The following WDR64 variants were observed in gnomAD, a reference collection of about 807,000 sequenced individuals.
The protein encoded by WDR64 is WD repeat-containing protein 64.
Under a neutral mutation model 139.3 loss-of-function variants are expected in WDR64, and 112 were observed. The observed-to-expected ratio is 0.80, with a 90% CI of 0.69 to 0.94. The LOEUF is 0.94. WDR64 is among the 40% of genes least tolerant of loss of function. The pLI, the probability that WDR64 is intolerant of heterozygous loss-of-function variation, is 0.00. For missense variants in WDR64, 1,206 were observed against 1,293.1 expected (o/e 0.93, Z 1.03); for synonymous variants, 444 against 437.7 (o/e 1.01, Z -0.18).
chr1:241,796,409 G>C (rs761021480), intron 27 of WDR64, 39 bp downstream of exon 27: 30 of 1,330,082 alleles, frequency 2.3e-5, no homozygotes, highest in Non-Finnish European at 3.0e-5. Context: ...TCCAATTTCA[G>C]TGTATCCTAT....
At chr1:241,769,094 C>A (rs1231440691) in intron 16 of WDR64, among the ~76,000 whole-genome samples, 2 of 151,994 alleles carry the variant, frequency 1.3e-5, no homozygotes, top group African/African-American at 4.8e-5. Context: ...TAGTTGGCCC[C>A]CATCTCTAAA....
chr1:241,786,752 TGTTA>T (rs1429898215), intron 23 of WDR64, among the ~76,000 whole-genome samples: 1 of 152,166 alleles, frequency 6.6e-6, no homozygotes, highest in African/African-American at 2.4e-5. Context: ...ATGAATACAC[TGTTA>T]GTTAACAAGT....
At chr1:241,732,290 C>T (rs1669112168) in intron 10 of WDR64, among the ~76,000 whole-genome samples, 1 of 150,048 alleles carries the variant, frequency 6.7e-6, no homozygotes, top group African/African-American at 2.5e-5. Flanking sequence ...TCAAGTGTTT[C>T]TTACAATGCA....
rs76254601 is a variant in WDR64 at position 241,749,639 on chromosome 1, C to T, written c.1687C>T (p.Arg563Cys). 973 of 1,614,100 alleles carry T rather than the reference C, an allele frequency of 6.0e-4. 8 individuals are homozygous for T. In the African/African-American group the frequency reaches 0.011, roughly 18 times the overall value. The change falls in exon 14 of 28, where the codon CGC becomes TGC. Residue 563 changes from arginine (R) to cysteine (C), a missense_variant. Coordinates refer to ENST00000437684, the MANE Select transcript of WDR64 (RefSeq NM_001367482.1). ...GAAGGAGGACGAGCACTGCCTACGA[C>T]GCCTCATTTTCCTCAAAGCCCAAGA... ...DWKEDEHCLRRLIFLKAQEKH... is the reference protein window; with the variant it reads ...DWKEDEHCLRCLIFLKAQEKH...
intron 23 of WDR64, among the ~76,000 whole-genome samples, chr1:241,786,041 C>A (rs1349439823): frequency 6.6e-6 from 1 of 152,220 alleles, no homozygotes; most frequent in Non-Finnish European, 1.5e-5. Flanking sequence ...GTTAGCCCCT[C>A]ACCCTTCTAA....
At chr1:241,691,477 A>G (rs1667277727) in intron 8 of WDR64, among the ~76,000 whole-genome samples, 1 of 152,184 alleles carries the variant, frequency 6.6e-6, no homozygotes, top group Admixed American at 6.5e-5. Flanking sequence ...AGGGTAAGAT[A>G]TACCATGCTA....
intron 2 of WDR64, among the ~76,000 whole-genome samples, chr1:241,669,296 C>T (rs187378561): frequency 3.9e-5 from 6 of 152,074 alleles, no homozygotes; most frequent in Admixed American, 6.5e-5. Flanking sequence ...TGCCATGAAG[C>T]GGTATTGTGG....
rs1448416611 is a variant in WDR64 at position 241,770,695 on chromosome 1, G to C, written c.2253+5G>C. ...AAAGGTCCACAGAGCAGTAAGGTAA[G>C]CAAGACACAGACAGGGTCTGTCTTC... is the stretch of plus-strand genomic sequence containing the variant. On this transcript the variant is annotated splice_donor_5th_base_variant and intron_variant, in intron 18 of 27. Transcript: ENST00000437684. 1 of 1,551,072 alleles carries C rather than the reference G, an allele frequency of 6.4e-7. No individual in the cohort carries two copies. The highest frequency in any genetic ancestry group is 1.2e-5 in the South Asian group (1 of 83,956).
chr1:241,795,306 G>A lies in WDR64; in HGVS notation c.3078+19G>A. 3 of 1,603,266 alleles carry A rather than the reference G, an allele frequency of 1.9e-6. No homozygotes were observed. The highest frequency in any genetic ancestry group is 2.6e-6 in the Non-Finnish European group (3 of 1,172,438). On this transcript the variant is annotated intron_variant, in intron 26 of 27. Coordinates refer to ENST00000437684, the MANE Select transcript of WDR64 (RefSeq NM_001367482.1). ...ATACAGTGTGAGTTGGAGTTTCTAG[G>A]AGTAGAGGGGTCACAGAACAGTAGA...
At chr1:241,733,910 C>A (rs1669190046) in intron 10 of WDR64, among the ~76,000 whole-genome samples, 1 of 152,128 alleles carries the variant, frequency 6.6e-6, no homozygotes, top group Non-Finnish European at 1.5e-5. Flanking sequence ...TCACTAATAC[C>A]TGTCATAAGA....
At chr1:241,757,633 C>A (rs1239814876) in intron 15 of WDR64, among the ~76,000 whole-genome samples, 174 bp downstream of exon 15, 3 of 150,694 alleles carry the variant, frequency 2.0e-5, no homozygotes, top group Non-Finnish European at 4.4e-5. Context: ...TCACCACGAC[C>A]ACCACCAATG....
intron 8 of WDR64, among the ~76,000 whole-genome samples, chr1:241,695,085 G>A (rs1467755674): frequency 6.6e-6 from 1 of 152,004 alleles, no homozygotes; most frequent in Non-Finnish European, 1.5e-5. Context: ...TTGTCATCTT[G>A]GGATGTCAAA....
At chr1:241,707,745 C>T (rs985376901) in intron 8 of WDR64, among the ~76,000 whole-genome samples, 19 of 152,182 alleles carry the variant, frequency 1.2e-4, no homozygotes, top group African/African-American at 4.3e-4. Context: ...CCTGCATGAC[C>T]CCTGCCCCAG....
intron 4 of WDR64, among the ~76,000 whole-genome samples, chr1:241,675,096 C>T (rs1356062497): frequency 2.5e-4 from 30 of 120,060 alleles, no homozygotes; most frequent in African/African-American, 5.1e-4. Context: ...CATCCTTCCT[C>T]CCTCCCTCCT....
intron 2 of WDR64, among the ~76,000 whole-genome samples, chr1:241,668,187 A>T (rs922700592): frequency 1.3e-5 from 2 of 152,140 alleles, no homozygotes; most frequent in African/African-American, 4.8e-5. Flanking sequence ...AGAAAGAAAG[A>T]TGTTGAAGAT....
chr1:241,712,174 G>C (rs543589067), intron 9 of WDR64, among the ~76,000 whole-genome samples: 3 of 152,264 alleles, frequency 2.0e-5, no homozygotes, highest in African/African-American at 7.2e-5. Context: ...TTATGTGTGA[G>C]AGCATGAGTT....
At chr1:241,744,893 G>A (rs1189570318) in intron 13 of WDR64, among the ~76,000 whole-genome samples, 5 of 152,196 alleles carry the variant, frequency 3.3e-5, no homozygotes, top group Non-Finnish European at 7.4e-5. Flanking sequence ...TTTACCGACA[G>A]TAGATTTCTG....
intron 10 of WDR64, 118 bp downstream of exon 10, chr1:241,723,554 A>C: frequency 2.6e-6 from 3 of 1,163,286 alleles, no homozygotes; most frequent in Non-Finnish European, 3.5e-6. Flanking sequence ...ATCATTGAGA[A>C]AAATATTGTC....
chr1:241,655,209 C>G (rs910709017), intron 1 of WDR64, among the ~76,000 whole-genome samples: 2 of 152,046 alleles, frequency 1.3e-5, no homozygotes, highest in South Asian at 4.2e-4. Flanking sequence ...ATGATGAAAC[C>G]CTGTCTCTAC....
Sources: allele counts gnomAD v4.1 joint callset (sites outside exome capture counted in the v4.1 genomes callset), GRCh38; gene constraint gnomAD v4.1.1; transcripts MANE v1.5; gene names NCBI Gene and HGNC (gene_info 2026-07-23, HGNC 2026-07-21).